Variants in CYP1B1 observed in about 807,000 individuals in gnomAD.
CYP1B1 encodes the protein cytochrome P450 1B1.
A neutral mutation model predicts 29.9 loss-of-function variants in CYP1B1; 22 were observed. The observed-to-expected ratio is 0.74, with a 90% confidence interval of 0.53 to 1.05. The LOEUF is 1.05. Among genes scored for constraint, CYP1B1 ranks in the 50% least tolerant of loss-of-function variants. The pLI is 0.00. For synonymous variants in CYP1B1, 375 were observed against 320.0 expected (o/e 1.17, Z -1.83); for missense variants, 883 against 746.9 (o/e 1.18, Z -2.12).
chr2:38,075,242 G>T lies in CYP1B1; in HGVS notation c.147C>A (p.Ser49=), dbSNP rs4987137. 4.6e-4 allele frequency: 735 copies of T among 1,592,996 alleles called. 3 individuals are homozygous for T. The African/African-American group carries it at 7.1e-3, about 15-fold the overall frequency. ...GCCACGCAAACGGGCCCGGGGGCGC[G>T]GACCGGAGCTGCCGCCTCCGTTGCC... The part of the protein sequence containing the change: ...LLRQRRRQLR[S]APPGPFAWPL... Residue 49 remains serine, a synonymous_variant, in exon 2 of 3, where the codon TCC becomes TCA. Transcript: ENST00000610745.
In CYP1B1 at chr2:38,067,772, C is replaced by G. The variant is rs560500113; in HGVS notation, c.*2950G>C. The stretch of plus-strand genomic sequence containing the variant: ...ATGCACTGTAGCTATTATGCACACA[C>G]TAAAAGCATTCATGATAAAGTACAA... On this transcript the variant is annotated 3_prime_UTR_variant, in exon 3 of 3. Transcript: ENST00000610745. 5.5e-6 allele frequency: 1 copy of G among 183,432 alleles called. No individual in the cohort carries two copies. Among genetic ancestry groups the G allele is most frequent in the African/African-American group, 2.3e-5 (1 of 42,596 alleles). 11.4% of individuals were successfully genotyped at this position (183,432 alleles called of 1,614,324 possible). A position where few individuals can be genotyped will look rare whatever the true frequency, so the allele number is the denominator to read the frequency against.
Position 38,070,647 on chromosome 2 carries a change from T to TAG in CYP1B1, c.*74_*75insCT. 2.3e-6 allele frequency: 3 copies of TAG among 1,332,986 alleles called. No homozygotes were observed. Among genetic ancestry groups the TAG allele is most frequent in the Non-Finnish European group, 3.2e-6 (3 of 926,380 alleles). The allele number at this position is 1,332,986 out of a possible 1,614,324, so 82.6% of individuals were successfully genotyped here. A position where few individuals can be genotyped will look rare whatever the true frequency, so the allele number is the denominator to read the frequency against. The stretch of plus-strand genomic sequence containing the variant: ...TTGAGAAGCAGCACAAAAGAGGAAC[T>TAG]GGAAAAAAACTGAATTTTACTCCTC... On this transcript the variant is annotated 3_prime_UTR_variant, in exon 3 of 3. Transcript: ENST00000610745.
rs551894388 is a variant in CYP1B1, at chr2:38,070,009, C to T, written c.*713G>A. ...GAGTTTTACAATTTAATAATGCATA[C>T]TTTAAAATTCATGATAACTCATGGA... On this transcript the variant is annotated 3_prime_UTR_variant, in exon 3 of 3. Coordinates refer to ENST00000610745, the MANE Select transcript of CYP1B1 (RefSeq NM_000104.4). The T allele has an allele frequency of 2.0e-5, 4 of 200,554 alleles. No individual in the cohort carries two copies. The East Asian group carries it at 3.1e-4, about 16-fold the overall frequency. The allele number at this position is 200,554 out of a possible 1,614,324, so 12.4% of individuals were successfully genotyped here.
chr2:38,073,658 C>T (rs1682471827), intron 2 of CYP1B1: 1 of 152,418 alleles, frequency 6.6e-6, no homozygotes, highest in African/African-American at 2.4e-5. Flanking sequence ...CTGGATATCC[C>T]ATCTGCCTTT....
intron 2 of CYP1B1, 35 bp downstream of exon 2, chr2:38,074,311 G>A (rs755861122): frequency 1.2e-6 from 2 of 1,607,094 alleles, no homozygotes; most frequent in Non-Finnish European, 1.7e-6. Context: ...TTTCAGAGGA[G>A]AAAAGACCTG....
At chr2:38,075,551 C>A in intron 1 of CYP1B1, 162 bp from the exon 2 acceptor site, 2 of 702,140 alleles carry the variant, frequency 2.8e-6, no homozygotes, top group Non-Finnish European at 4.9e-6. Flanking sequence ...CATCCCCAAC[C>A]CACTCTCCCT....
At position 38,068,272 on chromosome 2, in the gene CYP1B1, T is replaced by C. The variant is rs1682350677; in HGVS notation, c.*2450A>G. 1 of 220,758 alleles carries C rather than the reference T, an allele frequency of 4.5e-6. No homozygotes were observed. Among genetic ancestry groups the C allele is most frequent in the Non-Finnish European group, 9.1e-6 (1 of 110,170 alleles). The allele number at this position is 220,758 out of a possible 1,614,324, so 13.7% of individuals were successfully genotyped here. A position where few individuals can be genotyped will look rare whatever the true frequency, so the allele number is the denominator to read the frequency against. The stretch of plus-strand genomic sequence containing the variant: ...TTCAGTTATTTTCATTCGTTTTTTG[T>C]TTTCTTTTCCTTTCTTTAACTAGGT... On this transcript the variant is annotated 3_prime_UTR_variant, in exon 3 of 3. Transcript: ENST00000610745.
chr2:38,068,732 TCTG>T lies in CYP1B1; in HGVS notation c.*1987_*1989del, dbSNP rs1682364500. 1 of 223,700 alleles carries T rather than the reference TCTG, an allele frequency of 4.5e-6. No individual in the cohort carries two copies. Among genetic ancestry groups the T allele is most frequent in the African/African-American group, 2.2e-5 (1 of 44,786 alleles). The allele number at this position is 223,700 out of a possible 1,614,324, so 13.9% of individuals were successfully genotyped here. A position where few individuals can be genotyped will look rare whatever the true frequency, so the allele number is the denominator to read the frequency against. On this transcript the variant is annotated 3_prime_UTR_variant, in exon 3 of 3. Transcript: ENST00000610745. ...TTAATATTCCAAACCACAAAACAGA[TCTG>T]CTATGTTGTAGACTTTTTTAATAGC...
At chr2:38,075,444 C>G (rs1294153702) in intron 1 of CYP1B1, 55 bp from the exon 2 acceptor site, 6 of 1,553,374 alleles carry the variant, frequency 3.9e-6, no homozygotes, top group Non-Finnish European at 5.3e-6. Flanking sequence ...CAGGAGCGGG[C>G]GCCCCACGCC....
Position 38,070,749 on chromosome 2 carries a change from A to C in CYP1B1, c.1605T>G (p.Asn535Lys), listed in dbSNP as rs1682411714. ...ATTGGCAAGTTTCCTTGGCTTGTAA[A>C]TTTTGGACAGCACTATCAAGGAGCT... Reference protein sequence around the residue: ...SMELLDSAVQNLQAKETCQ With the variant: ...SMELLDSAVQKLQAKETCQ Residue 535 changes from asparagine (N) to lysine (K), a missense_variant, in exon 3 of 3, where the codon AAT (asparagine) becomes AAG (lysine). By Grantham distance (94) the Asn-to-Lys change is moderately conservative. Transcript: ENST00000610745. The C allele has an allele frequency of 2.5e-6, 4 of 1,614,038 alleles. No individual in the cohort carries two copies. Among genetic ancestry groups the C allele is most frequent in the Non-Finnish European group, 3.4e-6 (4 of 1,180,026 alleles).
At position 38,074,660 on chromosome 2, in the gene CYP1B1, C is replaced by T. The variant is rs9341249; in HGVS notation, c.729G>A (p.Val243=). 1 of 1,613,284 alleles carries T rather than the reference C, an allele frequency of 6.2e-7. No individual in the cohort carries two copies. The highest frequency in any genetic ancestry group is 8.5e-7 in the Non-Finnish European group (1 of 1,180,016). ...TGGGGAAGTACTGCAGCCAGGGCAT[C>T]ACGTCCACCAGGCTGCCCGCGCCCA... ...RTVGAGSLVD[V]MPWLQYFPNP... Residue 243 remains valine (V), a synonymous_variant, in exon 2 of 3, where the codon GTG becomes GTA. Transcript: ENST00000610745.
chr2:38,070,320 T>C lies in CYP1B1; in HGVS notation c.*402A>G. 3.3e-6 allele frequency: 1 copy of C among 303,052 alleles called. No homozygotes were observed. The highest frequency in any genetic ancestry group is 6.2e-6 in the Non-Finnish European group (1 of 160,952). 18.8% of individuals were successfully genotyped at this position (303,052 alleles called of 1,614,324 possible). A position where few individuals can be genotyped will look rare whatever the true frequency, so the allele number is the denominator to read the frequency against. On this transcript the variant is annotated 3_prime_UTR_variant, in exon 3 of 3. Transcript: ENST00000610745. The stretch of plus-strand genomic sequence containing the variant: ...TATACTTTTTGTCTATTTCTGCATA[T>C]GGGAGACCAATCTTGGATTCCCACC...
Position 38,075,083 on chromosome 2 carries a change from G to T in CYP1B1, c.306C>A (p.Ala102=). ...CCTGCTGCACCAGGGCCTGGTGGAT[G>T]GCGCGCTCGCCATTCAGCACCACTA... ...CPIVVLNGER[A]IHQALVQQGS... The change falls in exon 2 of 3, where the codon GCC becomes GCA. Residue 102 remains alanine, a synonymous_variant. Transcript: ENST00000610745. 1 of 1,581,012 alleles carries T rather than the reference G, an allele frequency of 6.3e-7. No homozygotes were observed. The highest frequency in any genetic ancestry group is 2.3e-5 in the East Asian group (1 of 43,808).
Position 38,071,299 on chromosome 2 carries a change from A to G in CYP1B1, c.1055T>C (p.Val352Ala), listed in dbSNP as rs1573272890. ...LLLLFTRYPD[V>A]QTRVQAELDQ... The stretch of plus-strand genomic sequence containing the variant: ...CAATTCTGCCTGCACTCGAGTCTGC[A>G]CATCAGGATACCTGTTTGGTGTTTA... Residue 352 changes from valine to alanine, a missense_variant, in exon 3 of 3, where the codon GTG (valine) becomes GCG (alanine). Physicochemically the swap from Val to Ala is moderately conservative, Grantham distance 64. Transcript: ENST00000610745. 6.2e-7 allele frequency: 1 copy of G among 1,613,044 alleles called. No homozygotes were observed. Among genetic ancestry groups the G allele is most frequent in the South Asian group, 1.1e-5 (1 of 91,072 alleles).
intron 2 of CYP1B1, among the ~76,000 whole-genome samples, chr2:38,072,453 T>C (rs888283566): frequency 2.6e-5 from 4 of 151,828 alleles, no homozygotes; most frequent in African/African-American, 9.7e-5. Context: ...TATATATAAC[T>C]ATACATTATC....
chr2:38,074,505 G>A lies in CYP1B1; in HGVS notation c.884C>T (p.Ala295Val). Residue 295 changes from alanine (A) to valine (V), a missense_variant, in exon 2 of 3, where the codon GCC (alanine) becomes GTC (valine). Physicochemically the swap from Ala to Val is moderately conservative, Grantham distance 64. Coordinates refer to ENST00000610745, the MANE Select transcript of CYP1B1 (RefSeq NM_000104.4). Reference sequence around the variant, plus strand: ...CTTCTTTTCCGCAGAGAGGATAAAGGCGTCCATCATGTCGCGGGGGGCGGC... The same window carrying A: ...CTTCTTTTCCGCAGAGAGGATAAAGACGTCCATCATGTCGCGGGGGGCGGC... Reference protein sequence around the residue: ...PGAAPRDMMDAFILSAEKKAA... With the variant: ...PGAAPRDMMDVFILSAEKKAA... 1 of 1,611,016 alleles carries A rather than the reference G, an allele frequency of 6.2e-7. No homozygotes were observed. Among genetic ancestry groups the A allele is most frequent in the East Asian group, 2.2e-5 (1 of 44,748 alleles).
At position 38,071,021 on chromosome 2, in the gene CYP1B1, A is replaced by G. The variant is rs148233007; in HGVS notation, c.1333T>C (p.Phe445Leu). Residue 445 changes from phenylalanine to leucine, a missense_variant, in exon 3 of 3, where the codon TTC becomes CTC. Physicochemically the swap from Phe to Leu is conservative, Grantham distance 22. Transcript: ENST00000610745. ...TTGATGAGGCCATCCTTGTCCAAGAATCGAGCTGGATCAAAGTTCTCCGGG... is the reference window on the plus strand; with the variant it reads ...TTGATGAGGCCATCCTTGTCCAAGAGTCGAGCTGGATCAAAGTTCTCCGGG... ...PNPENFDPAR[F>L]LDKDGLINKD... The G allele has an allele frequency of 7.4e-6, 12 of 1,614,002 alleles. No homozygotes were observed. Among genetic ancestry groups the G allele is most frequent in the South Asian group, 3.3e-5 (3 of 91,080 alleles).
chr2:38,074,438 C>A lies in CYP1B1; in HGVS notation c.951G>T (p.Leu317Phe), dbSNP rs199836011. Residue 317 changes from leucine to phenylalanine, a missense_variant, in exon 2 of 3, where the codon TTG (leucine) becomes TTT (phenylalanine). Coordinates refer to ENST00000610745, the MANE Select transcript of CYP1B1 (RefSeq NM_000104.4). ...DSHGGGARLD[L>F]ENVPATITDI... ...CAGTGATAGTGGCCGGTACGTTCTC[C>A]AAATCCAGCCGCGCGCCACCACCGT... The A allele has an allele frequency of 6.2e-7, 1 of 1,613,218 alleles. No individual in the cohort carries two copies. Among genetic ancestry groups the A allele is most frequent in the East Asian group, 2.2e-5 (1 of 44,842 alleles).
intron 2 of CYP1B1, chr2:38,073,995 T>C (rs895365067): frequency 2.6e-6 from 1 of 391,012 alleles, no homozygotes; most frequent in Non-Finnish European, 4.7e-6. Context: ...GTTCTGATTG[T>C]AATGCGCCAG....
Sources: gnomAD v4.1 joint callset for allele counts (sites outside exome capture counted in the v4.1 genomes callset) on GRCh38, gnomAD v4.1.1 for gene constraint, MANE v1.5 for transcripts, NCBI Gene and HGNC (gene_info 2026-07-23, HGNC 2026-07-21) for gene names.